The following BANK1 variants were observed in gnomAD, a reference collection of about 807,000 sequenced individuals.
The protein encoded by BANK1 is B-cell scaffold protein with ankyrin repeats.
Under a neutral mutation model 94.5 loss-of-function variants are expected in BANK1, and 95 were observed. The ratio of observed to expected loss-of-function variants is 1.00; its 90% CI spans 0.85 to 1.19. BANK1 has a LOEUF of 1.19. BANK1 is among the 50% of genes most tolerant of loss of function. The pLI is 0.00. For missense variants in BANK1, 987 were observed against 932.2 expected (o/e 1.06, Z -0.77); for synonymous variants, 334 against 308.4 (o/e 1.08, Z -0.87).
chr4:102,024,998 C>T (rs765121593), intron 8 of BANK1, among the ~76,000 whole-genome samples: 48 of 152,148 alleles, frequency 3.2e-4, no homozygotes, highest in African/African-American at 1.1e-3. Flanking sequence ...CATAATGGAG[C>T]TTTGACTGTT....
intron 10 of BANK1, among the ~76,000 whole-genome samples, chr4:102,040,225 T>C (rs1263136570): frequency 3.9e-5 from 6 of 152,100 alleles, no homozygotes; most frequent in Non-Finnish European, 7.4e-5. Context: ...CTGCTAGTTC[T>C]GCTTTACTTA....
intron 1 of BANK1, among the ~76,000 whole-genome samples, chr4:101,827,263 G>T (rs1294501862): frequency 6.6e-6 from 1 of 151,342 alleles, no homozygotes; most frequent in Admixed American, 6.6e-5. Context: ...ATGAGATTTG[G>T]GTTTACATGC....
rs1403258433 is a variant in BANK1, at chr4:101,855,125, T to C, written c.560T>C (p.Leu187Pro). Residue 187 changes from leucine to proline, a missense_variant, in exon 3 of 17, where the codon CTA (leucine) becomes CCA (proline). Physicochemically the swap from Leu to Pro is moderately conservative, Grantham distance 98. Coordinates refer to ENST00000322953, the MANE Select transcript of BANK1 (RefSeq NM_017935.5). ...EISERKEIEE[L>P]SEASRNTIPL... ...AGTGAGAGAAAGGAAATTGAAGAAC[T>C]ATCAGAAGCTTCAAGAAACACCATA... The C allele has an allele frequency of 6.2e-7, 1 of 1,613,530 alleles. No individual in the cohort carries two copies. Among genetic ancestry groups the C allele is most frequent in the East Asian group, 2.2e-5 (1 of 44,870 alleles).
chr4:101,801,024 C>T (rs192860528), intron 1 of BANK1, among the ~76,000 whole-genome samples: 43 of 152,246 alleles, frequency 2.8e-4, no homozygotes, highest in South Asian at 1.7e-3. Context: ...TCCCAAGGTG[C>T]GGATGTTTCT....
intron 1 of BANK1, among the ~76,000 whole-genome samples, chr4:101,817,913 A>G (rs770247616): frequency 7.9e-5 from 12 of 151,974 alleles, no homozygotes; most frequent in African/African-American, 2.4e-4. Flanking sequence ...TCTTCTTCCA[A>G]TGTGGTCCAG....
intron 7 of BANK1, among the ~76,000 whole-genome samples, chr4:101,985,911 T>C (rs1725468722): frequency 6.6e-6 from 1 of 152,122 alleles, no homozygotes; most frequent in African/African-American, 2.4e-5. Flanking sequence ...TTTGAGAGAA[T>C]CCTTAGTAAG....
chr4:102,011,955 G>T (rs958308924), intron 7 of BANK1, among the ~76,000 whole-genome samples: 1 of 152,136 alleles, frequency 6.6e-6, no homozygotes, highest in Non-Finnish European at 1.5e-5. Flanking sequence ...TAACTGATAT[G>T]AATGGAATCT....
intron 7 of BANK1, among the ~76,000 whole-genome samples, chr4:102,017,796 AAAAATAGTGTATGT>A (rs1344625830): frequency 6.6e-6 from 1 of 152,244 alleles, no homozygotes. Flanking sequence ...ATCCTGTCTG[AAAAATAGTGTATGT>A]ATACTCAGGT....
chr4:101,854,937 A>G (rs1727623784), intron 2 of BANK1, 98 bp from the exon 3 acceptor site: 4 of 877,484 alleles, frequency 4.6e-6, no homozygotes, highest in Non-Finnish European at 7.1e-6. Context: ...GGTTTCCCGT[A>G]TATTAAATTG....
intron 7 of BANK1, among the ~76,000 whole-genome samples, chr4:101,936,254 CACAT>C (rs1205362407): frequency 2.0e-5 from 3 of 149,720 alleles, no homozygotes; most frequent in African/African-American, 7.3e-5. Context: ...ATATATGACA[CACAT>C]ACATGTATGC....
At chr4:101,937,269 C>A (rs2148908530) in intron 7 of BANK1, among the ~76,000 whole-genome samples, 1 of 151,812 alleles carries the variant, frequency 6.6e-6, no homozygotes, top group South Asian at 2.1e-4. Context: ...TTCTGCACAG[C>A]AAAATAAACT....
chr4:102,025,179 A>C, intron 8 of BANK1, 22 bp from the exon 9 acceptor site: 1 of 1,608,300 alleles, frequency 6.2e-7, no homozygotes, highest in Non-Finnish European at 8.5e-7. Context: ...AAATGAAATC[A>C]TGCAATCTTC....
chr4:101,812,030 A>G (rs1237937871), intron 1 of BANK1, among the ~76,000 whole-genome samples: 1 of 152,030 alleles, frequency 6.6e-6, no homozygotes, highest in Admixed American at 6.5e-5. Flanking sequence ...TTAAGTGATT[A>G]GAGAATTAAT....
intron 5 of BANK1, among the ~76,000 whole-genome samples, chr4:101,877,939 T>G (rs1022112950): frequency 2.0e-5 from 3 of 151,962 alleles, no homozygotes; most frequent in African/African-American, 4.8e-5. Flanking sequence ...CAAACCAAAA[T>G]AAATACAATG....
Position 102,066,363 on chromosome 4 carries a change from TCTC to T in BANK1, c.2212+3228_2212+3230del, listed in dbSNP as rs1188936062. The stretch of plus-strand genomic sequence containing the variant: ...GCTCCGCCTCCTGGGATCACGCTAT[TCTC>T]CTGCCTCAGCCTCCCGAGTAGCTGA... On this transcript the variant is annotated intron_variant, in intron 13 of 16. Transcript: ENST00000322953. Among the ~76,000 whole-genome samples, 15 of 150,330 alleles carry T rather than the reference TCTC, an allele frequency of 1.0e-4. No individual in the cohort carries two copies. The South Asian group carries it at 3.2e-3, about 32-fold the overall frequency.
chr4:101,942,690 C>T (rs1723794693), intron 7 of BANK1, among the ~76,000 whole-genome samples: 1 of 151,814 alleles, frequency 6.6e-6, no homozygotes, highest in East Asian at 1.9e-4. Flanking sequence ...TAAAATCAGA[C>T]TTTGTAGCTA....
At chr4:101,976,966 A>G (rs987543948) in intron 7 of BANK1, 3 of 152,118 alleles carry the variant, frequency 2.0e-5, no homozygotes, top group African/African-American at 7.2e-5. Context: ...AATATTATGA[A>G]TTAGAAAGTA....
chr4:102,060,182 T>C (rs768016644), intron 11 of BANK1, 29 bp from the exon 12 acceptor site: 1 of 1,526,054 alleles, frequency 6.6e-7, no homozygotes, highest in African/African-American at 1.4e-5. Flanking sequence ...CTGGACTTTC[T>C]GTTAATGCAC....
chr4:101,918,805 A>G (rs1016307137), intron 7 of BANK1, among the ~76,000 whole-genome samples: 1 of 151,952 alleles, frequency 6.6e-6, no homozygotes, highest in African/African-American at 2.4e-5. Flanking sequence ...AAATCCTGTA[A>G]GCTTCTGGCT....
Sources: allele counts gnomAD v4.1 joint callset (sites outside exome capture counted in the v4.1 genomes callset), GRCh38; gene constraint gnomAD v4.1.1; transcripts MANE v1.5; gene names NCBI Gene and HGNC (gene_info 2026-07-23, HGNC 2026-07-21).